Variants in SERGEF observed in about 807,000 individuals in gnomAD.
The protein encoded by SERGEF is secretion-regulating guanine nucleotide exchange factor.
SERGEF carries 51 observed loss-of-function variants against 50.0 expected under a neutral mutation model. The ratio of observed to expected loss-of-function variants is 1.02; its 90% CI spans 0.81 to 1.29. The LOEUF (loss-of-function observed/expected upper bound fraction) is 1.29, where lower values mean the gene tolerates loss of function less well. SERGEF is among the 50% of genes most tolerant of loss of function. SERGEF has a pLI of 0.00. For synonymous variants in SERGEF, 205 were observed against 212.4 expected (o/e 0.97, Z 0.30); for missense variants, 521 against 557.0 (o/e 0.94, Z 0.65).
chr11:17,908,809 C>T (rs1851898924), intron 9 of SERGEF, among the ~76,000 whole-genome samples: 2 of 152,116 alleles, frequency 1.3e-5, no homozygotes, highest in Non-Finnish European at 2.9e-5. Flanking sequence ...GCAGAACCAA[C>T]AACAAATCTG....
intron 10 of SERGEF, among the ~76,000 whole-genome samples, chr11:17,838,935 T>G (rs1350043912): frequency 1.3e-5 from 2 of 152,176 alleles, no homozygotes; most frequent in African/African-American, 4.8e-5. Flanking sequence ...TGCCAATAAT[T>G]AGTTGGGTGA....
chr11:17,849,258 T>C (rs548641640), intron 10 of SERGEF, among the ~76,000 whole-genome samples: 32 of 152,336 alleles, frequency 2.1e-4, no homozygotes, highest in Non-Finnish European at 3.5e-4. Context: ...ACACCGTTGA[T>C]CCTACATGAA....
At chr11:17,871,874 G>A (rs1229265852) in intron 10 of SERGEF, among the ~76,000 whole-genome samples, 2 of 152,108 alleles carry the variant, frequency 1.3e-5, no homozygotes, top group East Asian at 3.9e-4. Flanking sequence ...AAACACTGTT[G>A]CGCAGTATTT....
intron 9 of SERGEF, among the ~76,000 whole-genome samples, chr11:17,923,976 G>A (rs1240028537): frequency 2.0e-5 from 3 of 152,146 alleles, no homozygotes; most frequent in African/African-American, 7.2e-5. Context: ...TACTAGCTTT[G>A]CCAAGTCATT....
intron 9 of SERGEF, among the ~76,000 whole-genome samples, chr11:17,935,579 A>G (rs898570878): frequency 2.0e-5 from 3 of 152,222 alleles, no homozygotes; most frequent in Non-Finnish European, 2.9e-5. Context: ...TGTTAAAAGA[A>G]GGCACAATGA....
intron 10 of SERGEF, among the ~76,000 whole-genome samples, chr11:17,842,356 T>C (rs1163675719): frequency 6.6e-6 from 1 of 152,192 alleles, no homozygotes; most frequent in Non-Finnish European, 1.5e-5. Flanking sequence ...CCACCTCTCC[T>C]TATCTCTCTG....
chr11:17,849,115 CAT>C (rs1322717014), intron 10 of SERGEF, among the ~76,000 whole-genome samples: 7 of 152,330 alleles, frequency 4.6e-5, no homozygotes, highest in South Asian at 2.1e-4. Context: ...ATGTGAGTAA[CAT>C]GTGTGTGTTT....
At chr11:17,792,007 G>A (rs1264276741) in intron 10 of SERGEF, among the ~76,000 whole-genome samples, 1 of 152,162 alleles carries the variant, frequency 6.6e-6, no homozygotes, top group Non-Finnish European at 1.5e-5. Context: ...GTTCTACGCA[G>A]TAAAAACTTC....
At chr11:18,009,004 C>T (rs1023799281) in intron 1 of SERGEF, among the ~76,000 whole-genome samples, 18 of 152,130 alleles carry the variant, frequency 1.2e-4, no homozygotes, top group Middle Eastern at 6.8e-3. Flanking sequence ...TGAGTAACCA[C>T]GGGAACAGCT....
At chr11:17,886,896 A>T (rs1468990223) in intron 9 of SERGEF, among the ~76,000 whole-genome samples, 2 of 152,176 alleles carry the variant, frequency 1.3e-5, no homozygotes, top group Non-Finnish European at 2.9e-5. Context: ...TAATTGGACT[A>T]TGGATGGACA....
At chr11:17,846,605 C>G in intron 10 of SERGEF, 1 of 436,196 alleles carries the variant, frequency 2.3e-6, no homozygotes, top group Non-Finnish European at 4.7e-6. Context: ...GTTTGATGGT[C>G]TGGTCATCCG....
chr11:18,006,482 G>T, intron 3 of SERGEF, 109 bp downstream of exon 3: 2 of 1,144,116 alleles, frequency 1.7e-6, no homozygotes, highest in East Asian at 2.4e-5. Flanking sequence ...GGCCTTATGT[G>T]TGCTTTTTAA....
intron 10 of SERGEF, among the ~76,000 whole-genome samples, chr11:17,865,587 GT>G (rs1467366139): frequency 6.6e-6 from 1 of 151,802 alleles, no homozygotes; most frequent in Non-Finnish European, 1.5e-5. Context: ...GCTAATGTGT[GT>G]GTTTGTGTTT....
chr11:18,008,547 A>G (rs1351705755), intron 1 of SERGEF, among the ~76,000 whole-genome samples: 2 of 152,234 alleles, frequency 1.3e-5, no homozygotes, highest in Non-Finnish European at 2.9e-5. Context: ...CATGAGTCCT[A>G]TGAGGTCCTT....
chr11:17,907,479 T>A (rs982523648), intron 9 of SERGEF, among the ~76,000 whole-genome samples: 1 of 152,234 alleles, frequency 6.6e-6, no homozygotes, highest in African/African-American at 2.4e-5. Flanking sequence ...CTTCTCACAA[T>A]GAGAATTAGT....
chr11:18,008,902 C>A (rs994239486), intron 1 of SERGEF, among the ~76,000 whole-genome samples: 6 of 152,034 alleles, frequency 3.9e-5, no homozygotes, highest in Admixed American at 3.9e-4. Context: ...TGCTCACAGA[C>A]CCCTACAGGG....
chr11:17,849,667 C>T (rs1352923329), intron 10 of SERGEF, among the ~76,000 whole-genome samples: 1 of 152,146 alleles, frequency 6.6e-6, no homozygotes, highest in African/African-American at 2.4e-5. Flanking sequence ...TCTGACCAGG[C>T]ACAATGCTGG....
At chr11:17,978,699 T>G (rs112036866) in intron 8 of SERGEF, among the ~76,000 whole-genome samples, 1 of 152,306 alleles carries the variant, frequency 6.6e-6, no homozygotes, top group African/African-American at 2.4e-5. Flanking sequence ...AGCTATTAAC[T>G]CAGGGTGTGT....
chr11:17,838,712 G>C (rs138304006), intron 10 of SERGEF, among the ~76,000 whole-genome samples: 1 of 152,206 alleles, frequency 6.6e-6, no homozygotes, highest in African/African-American at 2.4e-5. Flanking sequence ...GGTCTAGTGT[G>C]AGAATGAAAA....
Sources: gnomAD v4.1 joint callset for allele counts (sites outside exome capture counted in the v4.1 genomes callset) on GRCh38, gnomAD v4.1.1 for gene constraint, MANE v1.5 for transcripts, NCBI Gene and HGNC (gene_info 2026-07-23, HGNC 2026-07-21) for gene names.